The following DPP10 variants were observed in gnomAD, a reference collection of about 807,000 sequenced individuals.
The protein encoded by DPP10 is inactive dipeptidyl peptidase 10.
DPP10 carries 33 observed loss-of-function variants against 120.9 expected under a neutral mutation model. That is an observed-to-expected ratio of 0.27 (90% CI 0.21 to 0.37). The LOEUF (loss-of-function observed/expected upper bound fraction) is 0.37, where lower values mean the gene tolerates loss of function less well. Ranked by LOEUF, DPP10 falls within the 10% of genes least tolerant of loss-of-function variation. The probability of loss-of-function intolerance (pLI) is 1.00; values close to 1 mark genes in which losing one functional copy is unlikely to be tolerated. For synonymous variants in DPP10, 337 were observed against 326.1 expected, an observed-to-expected ratio of 1.03 and a Z score of -0.36; for missense variants, 816 against 942.8, an observed-to-expected ratio of 0.87 and a Z score of 1.76.
chr2:114,899,817 G>T (rs942888243), intron 1 of DPP10, among the ~76,000 whole-genome samples: 17 of 151,894 alleles, frequency 1.1e-4, no homozygotes, highest in Middle Eastern at 3.2e-3. Context: ...AAAATTAGCC[G>T]GGCTTGGTGG....
chr2:115,441,836 T>TTG (rs1558664743), intron 3 of DPP10, among the ~76,000 whole-genome samples: 1 of 141,248 alleles, frequency 7.1e-6, no homozygotes. Context: ...TTTTTTTTTT[T>TTG]GACAGAGTCT....
rs1324930333 is a variant in DPP10, at chr2:114,561,397, C to T, written c.60+118559C>T. On this transcript the variant is annotated intron_variant, in intron 1 of 25. Coordinates refer to ENST00000410059, the MANE Select transcript of DPP10 (RefSeq NM_020868.6). Reference sequence around the variant, plus strand: ...AGCACACATGCACACACCACATACACATACCACATACATCTGCACACATGT... The same window carrying T: ...AGCACACATGCACACACCACATACATATACCACATACATCTGCACACATGT... 9.2e-5 allele frequency among the ~76,000 whole-genome samples: 14 copies of T among 152,110 alleles called. No homozygotes were observed. In the South Asian group the frequency reaches 2.5e-3, roughly 27 times the overall value.
At chr2:115,439,514 A>T (rs1388209042) in intron 3 of DPP10, among the ~76,000 whole-genome samples, 1 of 152,218 alleles carries the variant, frequency 6.6e-6, no homozygotes. Flanking sequence ...GAATATTTTA[A>T]TCTTGACAAA....
At chr2:115,133,979 C>T (rs796485073) in intron 1 of DPP10, among the ~76,000 whole-genome samples, 6 of 152,268 alleles carry the variant, frequency 3.9e-5, no homozygotes, top group African/African-American at 1.4e-4. Context: ...CGTTAACAGA[C>T]AACTGGTTAT....
At chr2:115,404,275 T>C (rs560979209) in intron 3 of DPP10, among the ~76,000 whole-genome samples, 2 of 152,132 alleles carry the variant, frequency 1.3e-5, no homozygotes, top group South Asian at 4.2e-4. Flanking sequence ...CCACATACTT[T>C]TAAATGACCA....
intron 1 of DPP10, among the ~76,000 whole-genome samples, chr2:114,905,138 T>C (rs956126074): frequency 6.6e-6 from 1 of 152,192 alleles, no homozygotes; most frequent in African/African-American, 2.4e-5. Context: ...AAACTCTTAT[T>C]AATTCTAATA....
chr2:114,497,181 ACG>A (rs1682631219), intron 1 of DPP10, among the ~76,000 whole-genome samples: 1 of 147,710 alleles, frequency 6.8e-6, no homozygotes, highest in Admixed American at 6.7e-5. Context: ...ATACATGTGT[ACG>A]TGTATACATG....
intron 1 of DPP10, among the ~76,000 whole-genome samples, chr2:115,136,542 C>T (rs1187214066): frequency 6.6e-6 from 1 of 152,070 alleles, no homozygotes; most frequent in Non-Finnish European, 1.5e-5. Context: ...CAGTTAGAAC[C>T]AGTGTATTTC....
chr2:115,027,584 G>A (rs1311890559), intron 1 of DPP10, among the ~76,000 whole-genome samples: 1 of 152,110 alleles, frequency 6.6e-6, no homozygotes, highest in East Asian at 1.9e-4. Context: ...ATATTGACCT[G>A]TAGCTTTCTT....
intron 1 of DPP10, among the ~76,000 whole-genome samples, chr2:115,247,337 A>G (rs2058579515): frequency 6.6e-6 from 1 of 152,174 alleles, no homozygotes; most frequent in Non-Finnish European, 1.5e-5. Context: ...TACAGGTGGC[A>G]GTTACACTTG....
intron 1 of DPP10, among the ~76,000 whole-genome samples, chr2:115,263,122 A>G (rs2059324417): frequency 6.6e-6 from 1 of 152,202 alleles, no homozygotes; most frequent in Non-Finnish European, 1.5e-5. Context: ...ATTCTACAAA[A>G]TACTAGGAAG....
intron 7 of DPP10, among the ~76,000 whole-genome samples, chr2:115,723,252 T>C (rs766000001): frequency 6.6e-6 from 1 of 152,180 alleles, no homozygotes; most frequent in Non-Finnish European, 1.5e-5. Context: ...AGATTACTGA[T>C]AGTATAAATT....
chr2:115,456,792 C>A (rs756467568), intron 3 of DPP10, among the ~76,000 whole-genome samples: 2 of 151,962 alleles, frequency 1.3e-5, no homozygotes, highest in Non-Finnish European at 2.9e-5. Flanking sequence ...AGGGGAACAT[C>A]ATACACCGGG....
chr2:115,716,325 G>A (rs2002447), intron 7 of DPP10, among the ~76,000 whole-genome samples: 11,784 of 152,162 alleles, frequency 0.077, 650 homozygotes, highest in Non-Finnish European at 0.11. Context: ...ATGCTTTTCA[G>A]CCCCAAATTA....
intron 1 of DPP10, among the ~76,000 whole-genome samples, chr2:114,956,365 A>G (rs1698199199): frequency 6.6e-6 from 1 of 152,014 alleles, no homozygotes; most frequent in Non-Finnish European, 1.5e-5. Flanking sequence ...AAATTTAAAA[A>G]AAAAACATGT....
Position 115,777,782 on chromosome 2 carries a change from G to A in DPP10, c.1314-5G>A. ...AATGCTTGTGTTGTTTTCTTTCCTG[G>A]ACAGTTACTTTCTGAGCACTGAATC... On this transcript the variant is annotated splice_region_variant and splice_polypyrimidine_tract_variant and intron_variant, in intron 14 of 25. Coordinates refer to ENST00000410059, the MANE Select transcript of DPP10 (RefSeq NM_020868.6). 1 of 1,613,080 alleles carries A rather than the reference G, an allele frequency of 6.2e-7. No individual in the cohort carries two copies. The highest frequency in any genetic ancestry group is 8.5e-7 in the Non-Finnish European group (1 of 1,179,360).
intron 2 of DPP10, among the ~76,000 whole-genome samples, chr2:115,338,249 C>T (rs948739686): frequency 6.6e-6 from 1 of 151,794 alleles, no homozygotes; most frequent in Non-Finnish European, 1.5e-5. Context: ...AAGAATTCAA[C>T]GTGCTTGGTT....
intron 1 of DPP10, among the ~76,000 whole-genome samples, chr2:115,265,962 T>A (rs1015752426): frequency 1.9e-4 from 28 of 150,714 alleles, no homozygotes; most frequent in Middle Eastern, 6.8e-3. Flanking sequence ...AAAAAAAAAA[T>A]TTAGAAAATG....
At chr2:115,610,434 T>C (rs2084012542) in intron 5 of DPP10, among the ~76,000 whole-genome samples, 2 of 148,620 alleles carry the variant, frequency 1.3e-5, no homozygotes, top group Non-Finnish European at 1.5e-5. Context: ...TAACTTACCA[T>C]GGGGAACAGA....
Sources: allele counts gnomAD v4.1 joint callset (sites outside exome capture counted in the v4.1 genomes callset), GRCh38; gene constraint gnomAD v4.1.1; transcripts MANE v1.5; gene names NCBI Gene and HGNC (gene_info 2026-07-23, HGNC 2026-07-21).